Variants in SLC35F4 observed in about 807,000 individuals in gnomAD.
The protein encoded by SLC35F4 is solute carrier family 35 member F4, also known as chromosome 14 open reading frame 36.
SLC35F4 carries 24 observed loss-of-function variants against 44.2 expected under a neutral mutation model. The observed-to-expected ratio is 0.54, with a 90% confidence interval of 0.39 to 0.76. SLC35F4 has a LOEUF of 0.76. Ranked by LOEUF, SLC35F4 falls within the 30% of genes least tolerant of loss-of-function variation. SLC35F4 has a pLI of 0.00. For synonymous variants in SLC35F4, 238 were observed against 223.6 expected (o/e 1.06, Z -0.57); for missense variants, 562 against 586.1 (o/e 0.96, Z 0.42).
chr14:57,839,413 G>A (rs2140956400), intron 1 of SLC35F4, among the ~76,000 whole-genome samples: 1 of 152,310 alleles, frequency 6.6e-6, no homozygotes, highest in Middle Eastern at 3.4e-3. Flanking sequence ...AAAAAGGAAT[G>A]AGATCATGAC....
At chr14:57,575,228 A>G (rs1298297042) in intron 4 of SLC35F4, among the ~76,000 whole-genome samples, 6 of 152,218 alleles carry the variant, frequency 3.9e-5, no homozygotes, top group African/African-American at 1.4e-4. Flanking sequence ...CTGTAATTCC[A>G]GCACTTTGGG....
chr14:57,693,463 A>C (rs2075291519), intron 1 of SLC35F4, among the ~76,000 whole-genome samples: 1 of 152,220 alleles, frequency 6.6e-6, no homozygotes, highest in East Asian at 1.9e-4. Context: ...GCTTAAAGGC[A>C]TTCCTGAACC....
At chr14:57,700,694 G>A (rs938582311) in intron 1 of SLC35F4, among the ~76,000 whole-genome samples, 1 of 151,950 alleles carries the variant, frequency 6.6e-6, no homozygotes. Context: ...TTGAGTCCAG[G>A]GGTTCGAGAC....
chr14:57,680,027 G>A (rs1201783557), intron 1 of SLC35F4, among the ~76,000 whole-genome samples: 1 of 152,066 alleles, frequency 6.6e-6, no homozygotes, highest in Admixed American at 6.5e-5. Flanking sequence ...ATTTTATGAG[G>A]CTAGCATCAT....
In SLC35F4 at chr14:57,564,095, A is replaced by G; in HGVS notation, c.*40T>C. 2 of 1,602,228 alleles carry G rather than the reference A, an allele frequency of 1.2e-6. No homozygotes were observed. Among genetic ancestry groups the G allele is most frequent in the Non-Finnish European group, 1.7e-6 (2 of 1,171,380 alleles). On this transcript the variant is annotated 3_prime_UTR_variant, in exon 8 of 8. Transcript: ENST00000556826. ...GTAGTGAGAAAATTTTGTTATATTC[A>G]CAGAATATACATACACGTGCATTCA...
intron 1 of SLC35F4, among the ~76,000 whole-genome samples, chr14:57,796,279 C>G (rs550942035): frequency 1.3e-5 from 2 of 152,230 alleles, no homozygotes; most frequent in East Asian, 3.9e-4. Context: ...TCTTTATGAA[C>G]AACTTTTAGA....
At chr14:57,694,456 G>A (rs2075323359) in intron 1 of SLC35F4, among the ~76,000 whole-genome samples, 1 of 152,070 alleles carries the variant, frequency 6.6e-6, no homozygotes, top group Non-Finnish European at 1.5e-5. Context: ...AACATTTTCT[G>A]TAGCTCTAAT....
chr14:57,629,099 C>T (rs2072633636), intron 1 of SLC35F4, among the ~76,000 whole-genome samples: 1 of 152,090 alleles, frequency 6.6e-6, no homozygotes, highest in Non-Finnish European at 1.5e-5. Context: ...AACATTTCTT[C>T]ATCTTTTGAA....
intron 1 of SLC35F4, among the ~76,000 whole-genome samples, chr14:57,877,877 G>C (rs1269608096): frequency 6.6e-6 from 1 of 151,608 alleles, no homozygotes; most frequent in Non-Finnish European, 1.5e-5. Context: ...CAGAGATGGG[G>C]TTTCACCATG....
chr14:57,942,024 T>G (rs1889924546), intron 1 of SLC35F4, among the ~76,000 whole-genome samples: 1 of 152,204 alleles, frequency 6.6e-6, no homozygotes, highest in Non-Finnish European at 1.5e-5. Context: ...GTCCCATTAC[T>G]TTGAGATTTA....
chr14:57,964,169 C>G (rs1470337773), intron 1 of SLC35F4, among the ~76,000 whole-genome samples: 1 of 152,020 alleles, frequency 6.6e-6, no homozygotes, highest in Admixed American at 6.5e-5. Flanking sequence ...TCAAGAGTCT[C>G]AGGAGGAGGA....
intron 1 of SLC35F4, among the ~76,000 whole-genome samples, chr14:57,736,429 T>A (rs2076465569): frequency 6.6e-6 from 1 of 152,232 alleles, no homozygotes; most frequent in African/African-American, 2.4e-5. Context: ...CAGGAGGGCC[T>A]GTATAGTAAA....
chr14:57,869,557 G>T (rs1181698882), upstream of SLC35F4, among the ~76,000 whole-genome samples: 1 of 152,172 alleles, frequency 6.6e-6, no homozygotes, highest in Admixed American at 6.5e-5. Context: ...AAGGGGAAAT[G>T]ATCTTTTTCC....
chr14:57,597,838 C>T (rs2070585502), intron 1 of SLC35F4, among the ~76,000 whole-genome samples: 1 of 152,100 alleles, frequency 6.6e-6, no homozygotes, highest in African/African-American at 2.4e-5. Context: ...TATTGGAAAT[C>T]CCATTCTTTC....
At chr14:57,802,111 T>G (rs1302851232) in intron 1 of SLC35F4, among the ~76,000 whole-genome samples, 2 of 152,104 alleles carry the variant, frequency 1.3e-5, no homozygotes, top group African/African-American at 4.8e-5. Flanking sequence ...GCAAAAGAAC[T>G]GAAATCATAA....
chr14:57,704,999 G>T (rs939514029), intron 1 of SLC35F4, among the ~76,000 whole-genome samples: 1 of 152,170 alleles, frequency 6.6e-6, no homozygotes, highest in Non-Finnish European at 1.5e-5. Context: ...AATGTCACCA[G>T]GAGTACCTCA....
intron 3 of SLC35F4, 100 bp from the exon 4 acceptor site, chr14:57,581,533 C>G (rs1393885681): frequency 1.0e-6 from 1 of 996,158 alleles, no homozygotes; most frequent in Non-Finnish European, 1.5e-6. Flanking sequence ...CACAAACACT[C>G]AATACCCATC....
upstream of SLC35F4, among the ~76,000 whole-genome samples, chr14:57,868,920 AT>A: frequency 6.6e-6 from 1 of 152,350 alleles, no homozygotes; most frequent in South Asian, 2.1e-4. Context: ...ATAAATGAAG[AT>A]TGAAGGTCAT....
At chr14:57,638,597 A>G (rs978435280) in intron 1 of SLC35F4, among the ~76,000 whole-genome samples, 1 of 152,132 alleles carries the variant, frequency 6.6e-6, no homozygotes, top group African/African-American at 2.4e-5. Context: ...AACCCTTTAA[A>G]GAAATAAAGT....
Sources: gnomAD v4.1 joint callset for allele counts (sites outside exome capture counted in the v4.1 genomes callset) on GRCh38, gnomAD v4.1.1 for gene constraint, MANE v1.5 for transcripts, NCBI Gene and HGNC (gene_info 2026-07-23, HGNC 2026-07-21) for gene names.